The following FYTTD1 variants were observed in gnomAD, a reference collection of about 807,000 sequenced individuals.
FYTTD1 encodes the protein forty-two-three domain containing 1, also known as UAP56-interacting factor.
In FYTTD1, 22 loss-of-function variants were observed where a neutral mutation model predicts 40.9. The observed-to-expected ratio is 0.54, with a 90% CI of 0.38 to 0.77. FYTTD1 has a LOEUF of 0.77. Ranked by LOEUF, FYTTD1 falls within the 30% of genes least tolerant of loss-of-function variation. FYTTD1 has a pLI of 0.00. For missense variants in FYTTD1, 351 were observed against 392.2 expected (o/e 0.90, Z 0.89); for synonymous variants, 140 against 137.9 (o/e 1.01, Z -0.10).
chr3:197,774,609 C>G (rs1346603646), intron 6 of FYTTD1, among the ~76,000 whole-genome samples: 13 of 152,192 alleles, frequency 8.5e-5, no homozygotes, highest in African/African-American at 3.1e-4. Context: ...TGCACACCAG[C>G]CTGAGCAGCA....
rs1459915464 is a variant in FYTTD1 at position 197,777,013 on chromosome 3, C to A, written c.731+12C>A. 1.3e-6 allele frequency: 2 copies of A among 1,573,716 alleles called. No homozygotes were observed. Among genetic ancestry groups the A allele is most frequent in the Non-Finnish European group, 1.7e-6 (2 of 1,150,112 alleles). On this transcript the variant is annotated intron_variant, in intron 7 of 8. Transcript: ENST00000241502. ...GTGCAATGCCCAGTGTAAGTTGTTT[C>A]TTTCTTTTTGCAAAAATTATAACCT...
intron 1 of FYTTD1, chr3:197,750,476 G>A: frequency 1.0e-6 from 1 of 993,384 alleles, no homozygotes; most frequent in Non-Finnish European, 1.2e-6. Context: ...CGGGGAGCGA[G>A]GGGAATGGTC....
At chr3:197,764,790 C>CATT (rs1157223785) in intron 2 of FYTTD1, among the ~76,000 whole-genome samples, 13 of 149,008 alleles carry the variant, frequency 8.7e-5, no homozygotes. Flanking sequence ...AGTATGGGAC[C>CATT]AATGTACTGT....
At chr3:197,774,252 C>G in intron 6 of FYTTD1, 42 bp downstream of exon 6, 1 of 1,473,208 alleles carries the variant, frequency 6.8e-7, no homozygotes, top group Non-Finnish European at 9.5e-7. Flanking sequence ...TTCAAAACTC[C>G]CAGAATACTA....
At chr3:197,765,734 C>A (rs1223351361) in intron 2 of FYTTD1, among the ~76,000 whole-genome samples, 1 of 151,938 alleles carries the variant, frequency 6.6e-6, no homozygotes, top group Non-Finnish European at 1.5e-5. Context: ...CAGTGGCTCA[C>A]ACCTGTAATC....
intron 2 of FYTTD1, among the ~76,000 whole-genome samples, chr3:197,764,061 C>G (rs940155223): frequency 7.2e-5 from 11 of 152,086 alleles, no homozygotes; most frequent in African/African-American, 4.8e-5. Flanking sequence ...AACTACTGCT[C>G]TGGTGGAGCT....
intron 6 of FYTTD1, 109 bp from the exon 7 acceptor site, chr3:197,776,818 C>T (rs1413833154): frequency 4.3e-6 from 3 of 695,822 alleles, no homozygotes; most frequent in Admixed American, 2.8e-5. Context: ...TTATTTCTTA[C>T]AAGCTAAGAA....
intron 4 of FYTTD1, among the ~76,000 whole-genome samples, chr3:197,770,580 C>G (rs1235919126): frequency 6.6e-6 from 1 of 152,204 alleles, no homozygotes; most frequent in Admixed American, 6.5e-5. Flanking sequence ...GCTTCTCGAT[C>G]TGTTGCTGAG....
At chr3:197,762,831 G>A (rs796723627) in intron 2 of FYTTD1, among the ~76,000 whole-genome samples, 1 of 152,076 alleles carries the variant, frequency 6.6e-6, no homozygotes, top group African/African-American at 2.4e-5. Flanking sequence ...GCAGTGAGCC[G>A]AGATCGCGGC....
intron 8 of FYTTD1, among the ~76,000 whole-genome samples, chr3:197,780,303 C>G (rs1729995575): frequency 6.6e-6 from 1 of 152,058 alleles, no homozygotes. Flanking sequence ...CTCCTAAGCT[C>G]AAGCCACCGC....
At chr3:197,781,755 C>T (rs1730033557) in intron 8 of FYTTD1, 56 bp from the exon 9 acceptor site, 11 of 1,222,654 alleles carry the variant, frequency 9.0e-6, no homozygotes, top group East Asian at 2.4e-5. Flanking sequence ...ATATGGCCTT[C>T]AGTAAAGTTG....
chr3:197,762,699 A>G (rs1729424221), intron 2 of FYTTD1, among the ~76,000 whole-genome samples: 1 of 150,268 alleles, frequency 6.7e-6, no homozygotes, highest in African/African-American at 2.5e-5. Flanking sequence ...TGGCTAACAC[A>G]GTGAAACCCT....
intron 2 of FYTTD1, among the ~76,000 whole-genome samples, chr3:197,758,115 C>T (rs898561131): frequency 7.9e-5 from 12 of 151,802 alleles, no homozygotes; most frequent in African/African-American, 2.9e-4. Context: ...GTTGGTCAGG[C>T]TGGTCTCGAA....
Position 197,750,084 on chromosome 3 carries a change from C to A in FYTTD1, c.103+10C>A. On this transcript the variant is annotated intron_variant, in intron 1 of 8. Transcript: ENST00000241502. The stretch of plus-strand genomic sequence containing the variant: ...ATAGATATGTCTTTGGGTGAGGGGC[C>A]GAGTTGGACCGAGTTGGAGTGCGGG... 2 of 1,541,994 alleles carry A rather than the reference C, an allele frequency of 1.3e-6. No homozygotes were observed. Among genetic ancestry groups the A allele is most frequent in the Non-Finnish European group, 8.8e-7 (1 of 1,139,640 alleles).
At chr3:197,759,759 G>T (rs1729318419) in intron 2 of FYTTD1, among the ~76,000 whole-genome samples, 1 of 151,710 alleles carries the variant, frequency 6.6e-6, no homozygotes, top group South Asian at 2.1e-4. Flanking sequence ...AGAACATATA[G>T]AGTTGTTCTT....
At chr3:197,767,609 CATGT>C (rs1426165363) in intron 2 of FYTTD1, among the ~76,000 whole-genome samples, 1 of 151,354 alleles carries the variant, frequency 6.6e-6, no homozygotes, top group Non-Finnish European at 1.5e-5. Flanking sequence ...GGACTACAGG[CATGT>C]GCTACTATGC....
At chr3:197,762,869 T>G (rs1001480210) in intron 2 of FYTTD1, among the ~76,000 whole-genome samples, 1 of 151,466 alleles carries the variant, frequency 6.6e-6, no homozygotes, top group African/African-American at 2.4e-5. Context: ...GGCGACAGAG[T>G]GAGACTCCGT....
chr3:197,766,457 G>GTGTGTGTGTGTGTGTGTGTT (rs1177062233), intron 2 of FYTTD1, among the ~76,000 whole-genome samples: 2 of 151,388 alleles, frequency 1.3e-5, no homozygotes, highest in African/African-American at 4.9e-5. Flanking sequence ...GTGTGTGTGT[G>GTGTGTGTGTGTGTGTGTGTT]TGTTTGAGAC....
In FYTTD1 at chr3:197,777,009, GT is replaced by G; in HGVS notation, c.731+11del. 6.3e-7 allele frequency: 1 copy of G among 1,584,178 alleles called. No homozygotes were observed. The highest frequency in any genetic ancestry group is 8.6e-7 in the Non-Finnish European group (1 of 1,158,236). ...AGCAGTGCAATGCCCAGTGTAAGTT[GT>G]TTCTTTCTTTTTGCAAAAATTATAA... On this transcript the variant is annotated intron_variant, in intron 7 of 8. Coordinates refer to ENST00000241502, the MANE Select transcript of FYTTD1 (RefSeq NM_032288.7).
Sources: gnomAD v4.1 joint callset for allele counts (sites outside exome capture counted in the v4.1 genomes callset) on GRCh38, gnomAD v4.1.1 for gene constraint, MANE v1.5 for transcripts, NCBI Gene and HGNC (gene_info 2026-07-23, HGNC 2026-07-21) for gene names.